RBFOX2: variants seen among roughly 807,000 people sequenced by gnomAD.
The protein encoded by RBFOX2 is RNA binding protein fox-1 homolog 2.
RBFOX2 carries 10 observed loss-of-function variants against 49.1 expected under a neutral mutation model. That is an observed-to-expected ratio of 0.20 (90% CI 0.13 to 0.35). The LOEUF (loss-of-function observed/expected upper bound fraction) is 0.35, where lower values mean the gene tolerates loss of function less well. Among genes scored for constraint, RBFOX2 ranks in the 10% least tolerant of loss-of-function variants. The pLI is 1.00. For synonymous variants in RBFOX2, 183 were observed against 187.4 expected, an observed-to-expected ratio of 0.98 and a Z score of 0.19; for missense variants, 323 against 486.9, an observed-to-expected ratio of 0.66 and a Z score of 3.17.
intron 5 of RBFOX2, among the ~76,000 whole-genome samples, chr22:35,767,992 A>T (rs1315521615): frequency 6.6e-6 from 1 of 152,190 alleles, no homozygotes; most frequent in East Asian, 1.9e-4. Context: ...AAGGAAAAAC[A>T]TAAATGAAAA....
chr22:35,978,121 G>T (rs540278062), intron 1 of RBFOX2, among the ~76,000 whole-genome samples: 2 of 152,204 alleles, frequency 1.3e-5, no homozygotes, highest in African/African-American at 4.8e-5. Context: ...GCTACACTGA[G>T]CAAATAAGTA....
intron 2 of RBFOX2, among the ~76,000 whole-genome samples, chr22:35,808,744 G>C (rs943461708): frequency 3.3e-5 from 5 of 152,086 alleles, no homozygotes; most frequent in African/African-American, 1.2e-4. Context: ...AGCTAGATGG[G>C]AGGCTGAGGC....
At chr22:35,778,333 G>A (rs1425315179) in intron 3 of RBFOX2, among the ~76,000 whole-genome samples, 2 of 152,176 alleles carry the variant, frequency 1.3e-5, no homozygotes, top group East Asian at 3.8e-4. Flanking sequence ...GATACTTCAT[G>A]TGGACAAGAA....
At chr22:35,894,633 G>A (rs766701973) in intron 1 of RBFOX2, among the ~76,000 whole-genome samples, 11 of 151,904 alleles carry the variant, frequency 7.2e-5, no homozygotes, top group Non-Finnish European at 1.2e-4. Flanking sequence ...AACATAGGGG[G>A]AGGAAAAAAA....
chr22:35,957,135 T>C (rs2055658080), intron 1 of RBFOX2, among the ~76,000 whole-genome samples: 2 of 152,170 alleles, frequency 1.3e-5, no homozygotes, highest in African/African-American at 2.4e-5. Flanking sequence ...GGTAACCAAC[T>C]AGCTCTATGG....
rs571992208 is a variant in RBFOX2 at position 35,822,856 on chromosome 22, ACT to A, written c.28-12854_28-12853del. Reference sequence around the variant, plus strand: ...TTTTTTTTTTTTGAGAGTGAGTCTCACTCTGTCGCCCAGGCTGGAGTGCAGTG... The same window carrying A: ...TTTTTTTTTTTTGAGAGTGAGTCTCACTGTCGCCCAGGCTGGAGTGCAGTG... On this transcript the variant is annotated intron_variant, in intron 1 of 11. Coordinates refer to ENST00000405409, the Ensembl canonical transcript of RBFOX2. The A allele has an allele frequency of 1.5e-3, 602 of 409,208 alleles. 5 individuals are homozygous for A. The highest frequency in any genetic ancestry group is 0.011 in the African/African-American group (466 of 44,040). 25.3% of individuals were successfully genotyped at this position (409,208 alleles called of 1,614,324 possible).
chr22:35,952,987 G>A (rs1008320936), intron 1 of RBFOX2, among the ~76,000 whole-genome samples: 9 of 151,938 alleles, frequency 5.9e-5, no homozygotes, highest in Admixed American at 2.6e-4. Flanking sequence ...TGTGGCGGGC[G>A]GATCACGAGG....
upstream of RBFOX2, among the ~76,000 whole-genome samples, chr22:35,943,862 G>A (rs1480804535): frequency 6.6e-6 from 1 of 152,190 alleles, no homozygotes; most frequent in Non-Finnish European, 1.5e-5. Flanking sequence ...CCGAGATCGC[G>A]CCACTGCACT....
chr22:35,873,754 G>C (rs958119106), intron 1 of RBFOX2, among the ~76,000 whole-genome samples: 1 of 152,082 alleles, frequency 6.6e-6, no homozygotes, highest in Admixed American at 6.5e-5. Context: ...TTGGCTCACC[G>C]CAACTTCTGC....
At chr22:35,966,455 G>A (rs545222933), upstream of RBFOX2, among the ~76,000 whole-genome samples, 1 of 152,296 alleles carries the variant, frequency 6.6e-6, no homozygotes, top group Admixed American at 6.5e-5. Context: ...CCTACCACCA[G>A]TACATGAGGG....
chr22:35,811,446 C>A (rs1951848701), intron 1 of RBFOX2, among the ~76,000 whole-genome samples: 1 of 152,148 alleles, frequency 6.6e-6, no homozygotes, highest in Non-Finnish European at 1.5e-5. Flanking sequence ...TGTGAAGACA[C>A]AGAGCATGAC....
intron 1 of RBFOX2, among the ~76,000 whole-genome samples, chr22:36,025,120 G>T (rs2059384494): frequency 6.6e-6 from 1 of 152,138 alleles, no homozygotes; most frequent in South Asian, 2.1e-4. Context: ...GATTTTTAAA[G>T]TGTGTATTTA....
At chr22:35,985,078 G>A (rs1040471323) in intron 1 of RBFOX2, among the ~76,000 whole-genome samples, 10 of 152,176 alleles carry the variant, frequency 6.6e-5, no homozygotes, top group Admixed American at 2.0e-4. Flanking sequence ...ATGGTGGATG[G>A]TGGCTGTTCC....
At chr22:35,843,057 A>G, upstream of RBFOX2, among the ~76,000 whole-genome samples, 1 of 152,192 alleles carries the variant, frequency 6.6e-6, no homozygotes, top group East Asian at 1.9e-4. Flanking sequence ...GACTGGCACA[A>G]TGATATTTTG....
chr22:35,912,906 C>T (rs539161413), intron 1 of RBFOX2, among the ~76,000 whole-genome samples: 35 of 152,206 alleles, frequency 2.3e-4, no homozygotes, highest in African/African-American at 8.2e-4. Flanking sequence ...TACTTTAACC[C>T]CTCTTAACCT....
intron 1 of RBFOX2, among the ~76,000 whole-genome samples, chr22:35,819,391 G>A (rs979319711): frequency 3.9e-5 from 6 of 152,050 alleles, no homozygotes; most frequent in Admixed American, 2.6e-4. Context: ...TCTCACCTAG[G>A]CTATCTAAAT....
chr22:35,813,531 C>T (rs908400173), intron 1 of RBFOX2, among the ~76,000 whole-genome samples: 5 of 152,200 alleles, frequency 3.3e-5, no homozygotes, highest in Non-Finnish European at 7.3e-5. Context: ...AATTTATAAA[C>T]TTTCTTCTGT....
At chr22:35,824,118 C>T (rs1955134316) in intron 1 of RBFOX2, among the ~76,000 whole-genome samples, 2 of 151,766 alleles carry the variant, frequency 1.3e-5, no homozygotes, top group African/African-American at 2.4e-5. Context: ...TATTGCACTC[C>T]AGACTGGGAG....
intron 1 of RBFOX2, among the ~76,000 whole-genome samples, chr22:35,886,843 T>C (rs1569457555): frequency 6.6e-6 from 1 of 152,158 alleles, no homozygotes; most frequent in Non-Finnish European, 1.5e-5. Flanking sequence ...ACTGTACAGT[T>C]TTCCAGAACC....
Sources: gnomAD v4.1 joint callset for allele counts (sites outside exome capture counted in the v4.1 genomes callset) on GRCh38, gnomAD v4.1.1 for gene constraint, MANE v1.5 for transcripts, NCBI Gene and HGNC (gene_info 2026-07-23, HGNC 2026-07-21) for gene names.